RAPGEF4: variants seen among roughly 807,000 people sequenced by gnomAD.
RAPGEF4 encodes the protein RAP guanine-nucleotide-exchange factor (GEF) 4.
A neutral mutation model predicts 147.9 loss-of-function variants in RAPGEF4; 66 were observed. The observed-to-expected ratio is 0.45, with a 90% confidence interval of 0.37 to 0.55. The LOEUF is 0.55. RAPGEF4 is among the 20% of genes least tolerant of loss of function. The probability of loss-of-function intolerance (pLI) is 0.00; values close to 1 mark genes in which losing one functional copy is unlikely to be tolerated. For missense variants in RAPGEF4, 1,071 were observed against 1,257.3 expected (o/e 0.85, Z 2.24); for synonymous variants, 419 against 442.7 (o/e 0.95, Z 0.67).
At chr2:172,977,143 T>C (rs1025689106) in intron 10 of RAPGEF4, among the ~76,000 whole-genome samples, 4 of 152,226 alleles carry the variant, frequency 2.6e-5, no homozygotes, top group African/African-American at 9.6e-5. Flanking sequence ...GTTACTCTTA[T>C]GAAGGTGCAT....
intron 17 of RAPGEF4, among the ~76,000 whole-genome samples, chr2:173,002,381 A>G (rs894601710): frequency 9.2e-5 from 14 of 152,180 alleles, no homozygotes; most frequent in Non-Finnish European, 1.9e-4. Flanking sequence ...GCTTTTCAAC[A>G]GTGTTTGGAA....
At chr2:172,746,093 A>G (rs997216713) in intron 1 of RAPGEF4, among the ~76,000 whole-genome samples, 6 of 152,230 alleles carry the variant, frequency 3.9e-5, no homozygotes, top group African/African-American at 9.6e-5. Flanking sequence ...GTTAACAATG[A>G]TTATGATTGA....
chr2:172,882,238 G>A (rs568016241), intron 4 of RAPGEF4, among the ~76,000 whole-genome samples: 4 of 152,200 alleles, frequency 2.6e-5, no homozygotes, highest in African/African-American at 2.4e-5. Context: ...CCGTTTCCCC[G>A]CTTCCATATT....
intron 4 of RAPGEF4, among the ~76,000 whole-genome samples, chr2:172,886,958 C>A (rs1042020189): frequency 6.6e-6 from 1 of 152,062 alleles, no homozygotes; most frequent in Non-Finnish European, 1.5e-5. Flanking sequence ...GAGGCCAAGG[C>A]GGGTGGATCA....
At chr2:172,915,630 G>A (rs1208724639) in intron 4 of RAPGEF4, among the ~76,000 whole-genome samples, 1 of 151,450 alleles carries the variant, frequency 6.6e-6, no homozygotes, top group Non-Finnish European at 1.5e-5. Flanking sequence ...CTTGAACTGG[G>A]AAGGCAGAGG....
chr2:172,926,746 A>G (rs1441334305), intron 6 of RAPGEF4, among the ~76,000 whole-genome samples: 1 of 151,870 alleles, frequency 6.6e-6, no homozygotes, highest in Non-Finnish European at 1.5e-5. Context: ...TAATTTTTGT[A>G]TTTTTAGTAG....
chr2:172,863,508 G>C (rs545156824), intron 4 of RAPGEF4, among the ~76,000 whole-genome samples: 240 of 152,290 alleles, frequency 1.6e-3, no homozygotes, highest in African/African-American at 5.4e-3. Context: ...GATACAAATA[G>C]TGTCAGGGTT....
chr2:173,006,298 A>G (rs939347135), intron 17 of RAPGEF4, among the ~76,000 whole-genome samples: 2 of 152,224 alleles, frequency 1.3e-5, no homozygotes, highest in Non-Finnish European at 2.9e-5. Flanking sequence ...TTTTATGTCA[A>G]TGAATGTAGG....
chr2:172,910,067 C>G lies in RAPGEF4; in HGVS notation c.445-7735C>G, dbSNP rs10185458. Among the ~76,000 whole-genome samples the G allele has an allele frequency of 3.9e-3, 601 of 152,332 alleles. 2 individuals are homozygous for G. The highest frequency in any genetic ancestry group is 0.013 in the African/African-American group (557 of 41,580). Reference sequence around the variant, plus strand: ...TTGGCTGCAGACCAGCCCCATCAGTCCAGCCCCTTGCCAGACAGACACATT... The same window carrying G: ...TTGGCTGCAGACCAGCCCCATCAGTGCAGCCCCTTGCCAGACAGACACATT... On this transcript the variant is annotated intron_variant, in intron 4 of 30. Coordinates refer to ENST00000397081, the MANE Select transcript of RAPGEF4 (RefSeq NM_007023.4).
At chr2:172,829,540 G>C (rs1169600959) in intron 4 of RAPGEF4, among the ~76,000 whole-genome samples, 1 of 152,156 alleles carries the variant, frequency 6.6e-6, no homozygotes, top group Admixed American at 6.5e-5. Flanking sequence ...TAATACGTAA[G>C]TAATGATAAC....
At chr2:173,038,863 T>G (rs569759887) in intron 29 of RAPGEF4, among the ~76,000 whole-genome samples, 9 of 152,310 alleles carry the variant, frequency 5.9e-5, no homozygotes, top group African/African-American at 1.9e-4. Flanking sequence ...AGATAAAAGT[T>G]GTTTCATCTG....
chr2:172,882,939 A>G (rs559402413), intron 4 of RAPGEF4, among the ~76,000 whole-genome samples: 5 of 152,228 alleles, frequency 3.3e-5, no homozygotes, highest in East Asian at 3.9e-4. Flanking sequence ...TTCAAGTCCA[A>G]TTGTTGCATT....
chr2:173,015,656 G>A (rs527910101), intron 18 of RAPGEF4, among the ~76,000 whole-genome samples: 1 of 152,332 alleles, frequency 6.6e-6, no homozygotes, highest in South Asian at 2.1e-4. Context: ...ATGAACTAAA[G>A]TGGTGGTGTA....
chr2:172,922,955 G>A (rs1460359498), intron 6 of RAPGEF4, among the ~76,000 whole-genome samples: 1 of 152,172 alleles, frequency 6.6e-6, no homozygotes, highest in Non-Finnish European at 1.5e-5. Context: ...AACGATAGGA[G>A]TATGCAGTGA....
chr2:172,920,122 A>T (rs1356858063), intron 5 of RAPGEF4, among the ~76,000 whole-genome samples: 1 of 152,098 alleles, frequency 6.6e-6, no homozygotes, highest in Non-Finnish European at 1.5e-5. Flanking sequence ...GGAGAGAATG[A>T]TACAGTTAAC....
chr2:172,863,852 T>C (rs551595153), intron 4 of RAPGEF4, among the ~76,000 whole-genome samples: 1 of 152,276 alleles, frequency 6.6e-6, no homozygotes, highest in African/African-American at 2.4e-5. Context: ...TCATGTACAA[T>C]TGCAATAAAA....
At chr2:172,783,127 G>T (rs1433200783) in intron 1 of RAPGEF4, among the ~76,000 whole-genome samples, 1 of 152,156 alleles carries the variant, frequency 6.6e-6, no homozygotes, top group Admixed American at 6.5e-5. Flanking sequence ...ATATTAGCAG[G>T]CCTGGTCTGG....
At chr2:172,868,818 C>T (rs1050844686) in intron 4 of RAPGEF4, among the ~76,000 whole-genome samples, 6 of 152,188 alleles carry the variant, frequency 3.9e-5, no homozygotes, top group South Asian at 2.1e-4. Context: ...CACAGTTCTG[C>T]GGCCTGTACA....
intron 1 of RAPGEF4, among the ~76,000 whole-genome samples, chr2:172,753,004 A>G (rs1695433276): frequency 2.0e-5 from 3 of 152,166 alleles, no homozygotes; most frequent in African/African-American, 7.2e-5. Context: ...ATGGATGTCA[A>G]AGCAATTCTA....
Sources: gnomAD v4.1 joint callset for allele counts (sites outside exome capture counted in the v4.1 genomes callset) on GRCh38, gnomAD v4.1.1 for gene constraint, MANE v1.5 for transcripts, NCBI Gene and HGNC (gene_info 2026-07-23, HGNC 2026-07-21) for gene names.